GALNTL6: variants seen among roughly 807,000 people sequenced by gnomAD.
The protein encoded by GALNTL6 is polypeptide N-acetylgalactosaminyltransferase-like 6.
In GALNTL6, 46 loss-of-function variants were observed where a neutral mutation model predicts 73.7. That is an observed-to-expected ratio of 0.62 (90% CI 0.49 to 0.80). GALNTL6 has a LOEUF of 0.80. GALNTL6 is among the 30% of genes least tolerant of loss of function. The pLI, the probability that GALNTL6 is intolerant of heterozygous loss-of-function variation, is 0.00. For missense variants in GALNTL6, 604 were observed against 755.0 expected (o/e 0.80, Z 2.34); for synonymous variants, 259 against 263.7 (o/e 0.98, Z 0.17).
chr4:171,945,022 A>AAAAGTCATACCTAGGT (rs1738661175), intron 2 of GALNTL6, among the ~76,000 whole-genome samples: 1 of 152,112 alleles, frequency 6.6e-6, no homozygotes, highest in Non-Finnish European at 1.5e-5. Context: ...TTGCTGAATC[A>AAAAGTCATACCTAGGT]AAAGTCATAC....
At chr4:171,892,761 G>A (rs940077168) in intron 2 of GALNTL6, among the ~76,000 whole-genome samples, 4 of 152,054 alleles carry the variant, frequency 2.6e-5, no homozygotes, top group Non-Finnish European at 5.9e-5. Context: ...ACGAGGTCTT[G>A]CTGTTACCCA....
At chr4:172,895,404 T>A (rs13134400) in intron 8 of GALNTL6, among the ~76,000 whole-genome samples, 34,533 of 146,426 alleles carry the variant, frequency 0.24, 4,398 homozygotes, top group South Asian at 0.35. Context: ...ATATATATAT[T>A]TTTTTTTTGC....
intron 3 of GALNTL6, among the ~76,000 whole-genome samples, chr4:172,236,288 G>T (rs1436384546): frequency 1.3e-5 from 2 of 152,102 alleles, no homozygotes; most frequent in Non-Finnish European, 1.5e-5. Context: ...TATATTAGCT[G>T]CCAGGCGTGG....
At chr4:172,166,841 T>C (rs969464686) in intron 2 of GALNTL6, among the ~76,000 whole-genome samples, 4 of 152,326 alleles carry the variant, frequency 2.6e-5, no homozygotes, top group African/African-American at 9.6e-5. Flanking sequence ...GTGAATTACC[T>C]CAATTTATGC....
chr4:172,897,971 G>A (rs1746416903), intron 8 of GALNTL6, among the ~76,000 whole-genome samples: 1 of 152,096 alleles, frequency 6.6e-6, no homozygotes, highest in African/African-American at 2.4e-5. Flanking sequence ...TATTCTAATA[G>A]ATCTACTGTT....
At chr4:172,955,527 C>A (rs545267842) in intron 10 of GALNTL6, among the ~76,000 whole-genome samples, 1 of 150,412 alleles carries the variant, frequency 6.6e-6, no homozygotes, top group African/African-American at 2.4e-5. Flanking sequence ...TAATCTCTGA[C>A]AAAAAAAAAG....
At chr4:172,039,013 A>C (rs1014656480) in intron 2 of GALNTL6, among the ~76,000 whole-genome samples, 1 of 152,196 alleles carries the variant, frequency 6.6e-6, no homozygotes, top group African/African-American at 2.4e-5. Context: ...CAGCTGCTTT[A>C]TAATCCTTTT....
intron 7 of GALNTL6, among the ~76,000 whole-genome samples, chr4:172,828,574 G>GA (rs202001873): frequency 7.8e-4 from 119 of 152,034 alleles, no homozygotes; most frequent in Admixed American, 1.1e-3. Context: ...TAAAAAAAGA[G>GA]AAAAAAACAG....
At chr4:172,873,665 G>A (rs1261956811) in intron 7 of GALNTL6, among the ~76,000 whole-genome samples, 1 of 152,154 alleles carries the variant, frequency 6.6e-6, no homozygotes, top group Non-Finnish European at 1.5e-5. Context: ...GACCTAGAGG[G>A]GCAAATAAGG....
At chr4:172,796,892 T>A (rs952134371) in intron 5 of GALNTL6, among the ~76,000 whole-genome samples, 1 of 152,236 alleles carries the variant, frequency 6.6e-6, no homozygotes, top group South Asian at 2.1e-4. Context: ...TCATAGTAAC[T>A]GTTTAGAGGA....
chr4:172,325,441 G>A (rs1236642696), intron 4 of GALNTL6, among the ~76,000 whole-genome samples: 4 of 151,968 alleles, frequency 2.6e-5, no homozygotes, highest in East Asian at 1.9e-4. Context: ...TTGTGGCCCC[G>A]CTGATTGAAA....
chr4:172,447,384 A>G (rs1411696482), intron 5 of GALNTL6, among the ~76,000 whole-genome samples: 1 of 152,152 alleles, frequency 6.6e-6, no homozygotes. Flanking sequence ...AAAGGGAGAT[A>G]TATGCATTTG....
intron 2 of GALNTL6, among the ~76,000 whole-genome samples, chr4:172,005,626 A>G (rs1055460468): frequency 5.3e-5 from 8 of 152,132 alleles, no homozygotes; most frequent in African/African-American, 1.9e-4. Context: ...GTATATATTT[A>G]CACACACCTA....
intron 2 of GALNTL6, among the ~76,000 whole-genome samples, chr4:171,833,447 C>A (rs190916270): frequency 6.6e-6 from 1 of 151,680 alleles, no homozygotes; most frequent in Non-Finnish European, 1.5e-5. Context: ...TGATCTTATT[C>A]TCTCATTAAC....
At chr4:172,672,844 G>T (rs2111209442) in intron 5 of GALNTL6, among the ~76,000 whole-genome samples, 1 of 152,164 alleles carries the variant, frequency 6.6e-6, no homozygotes, top group South Asian at 2.1e-4. Context: ...ATGGTTGTTT[G>T]TCTTTCTGTG....
intron 2 of GALNTL6, among the ~76,000 whole-genome samples, chr4:171,986,468 C>T (rs974139593): frequency 1.3e-5 from 2 of 152,048 alleles, no homozygotes; most frequent in African/African-American, 4.8e-5. Flanking sequence ...GCCTGACATT[C>T]CTGTCTTCTT....
intron 7 of GALNTL6, among the ~76,000 whole-genome samples, chr4:172,859,581 A>G (rs895596812): frequency 6.6e-6 from 1 of 152,186 alleles, no homozygotes; most frequent in African/African-American, 2.4e-5. Flanking sequence ...AAAATTAGTA[A>G]CTATCCACTA....
chr4:172,420,867 A>T (rs571973625), intron 5 of GALNTL6, among the ~76,000 whole-genome samples: 4 of 152,148 alleles, frequency 2.6e-5, no homozygotes, highest in Admixed American at 2.6e-4. Context: ...CTTTTCAGGG[A>T]CATGGATGAA....
intron 7 of GALNTL6, among the ~76,000 whole-genome samples, chr4:172,825,673 T>C (rs1311519814): frequency 6.6e-6 from 1 of 151,568 alleles, no homozygotes; most frequent in Admixed American, 6.6e-5. Flanking sequence ...AAGGTAAAAG[T>C]ACACATGAGA....
Sources: allele counts gnomAD v4.1 joint callset (sites outside exome capture counted in the v4.1 genomes callset), GRCh38; gene constraint gnomAD v4.1.1; transcripts MANE v1.5; gene names NCBI Gene and HGNC (gene_info 2026-07-23, HGNC 2026-07-21).